Variants in BAD observed in about 807,000 individuals in gnomAD.
BAD encodes BCL2 associated agonist of cell death, also known as bcl2-associated agonist of cell death.
A neutral mutation model predicts 17.8 loss-of-function variants in BAD; 18 were observed. The observed-to-expected ratio is 1.01, with a 90% CI of 0.70 to 1.50. The LOEUF is 1.50. Among genes scored for constraint, BAD ranks in the 40% most tolerant of loss-of-function variants. BAD has a pLI of 0.00. For synonymous variants in BAD, 112 were observed against 91.5 expected (o/e 1.22, Z -1.28); for missense variants, 294 against 239.3 (o/e 1.23, Z -1.51).
chr11:64,284,653 C>T lies in BAD; in HGVS notation c.-31G>A. ...CACCCCAAGCCCGATCTCGAGGCCC[C>T]TGACCCGGGCCTGCCGCCTCCCTCC... On this transcript the variant is annotated 5_prime_UTR_variant, in exon 1 of 4. Coordinates refer to ENST00000309032, the MANE Select transcript of BAD (RefSeq NM_032989.3). 1 of 1,533,848 alleles carries T rather than the reference C, an allele frequency of 6.5e-7. No homozygotes were observed. Among genetic ancestry groups the T allele is most frequent in the South Asian group, 1.2e-5 (1 of 83,860 alleles).
intron 2 of BAD, among the ~76,000 whole-genome samples, chr11:64,275,107 G>T (rs560552018): frequency 6.6e-6 from 1 of 150,746 alleles, no homozygotes; most frequent in Non-Finnish European, 1.5e-5. Flanking sequence ...CATCACCAAA[G>T]CCCAGAGCTG....
Position 64,270,130 on chromosome 11 carries a change from G to C in BAD, c.*79C>G, listed in dbSNP as rs144873026. The C allele has an allele frequency of 3.8e-3, 6,150 of 1,604,482 alleles. 91 individuals carry two copies. The Middle Eastern group carries it at 0.077, about 20-fold the overall frequency. On this transcript the variant is annotated 3_prime_UTR_variant, in exon 4 of 4. Transcript: ENST00000309032. Reference sequence around the variant, plus strand: ...GGATCCTCTTTTTGCATAGGCCTGAGGGAAGTACTTCCGCCCATATTCAAG... The same window carrying C: ...GGATCCTCTTTTTGCATAGGCCTGACGGAAGTACTTCCGCCCATATTCAAG...
intron 3 of BAD, 102 bp downstream of exon 3, chr11:64,271,511 G>A: frequency 8.2e-7 from 1 of 1,219,116 alleles, no homozygotes; most frequent in Non-Finnish European, 1.1e-6. Flanking sequence ...GGGAGGGGTC[G>A]TGGGACTCCA....
At chr11:64,276,755 AAG>A (rs1165842717) in intron 2 of BAD, 1 of 587,780 alleles carries the variant, frequency 1.7e-6, no homozygotes, top group Non-Finnish European at 3.0e-6. Context: ...TGGGGAAGGG[AAG>A]GGGTGTGGCT....
chr11:64,275,744 GC>G (rs2033011775), intron 2 of BAD: 1 of 152,034 alleles, frequency 6.6e-6, no homozygotes, highest in Non-Finnish European at 1.5e-5. Flanking sequence ...CGGACACAAG[GC>G]CCCACAGGTG....
At chr11:64,281,440 C>T (rs477895) in intron 2 of BAD, among the ~76,000 whole-genome samples, 112,643 of 152,156 alleles carry the variant, frequency 0.74, 43,447 homozygotes, top group Non-Finnish European at 0.84. Flanking sequence ...ACCATGCTGC[C>T]TCTGCTCAAA....
chr11:64,280,374 C>T (rs186357628), intron 2 of BAD, among the ~76,000 whole-genome samples: 79 of 131,340 alleles, frequency 6.0e-4, no homozygotes, highest in African/African-American at 2.1e-3. Flanking sequence ...TTTTTTGAGA[C>T]GGAGTCTTGC....
At position 64,284,350 on chromosome 11, in the gene BAD, A is replaced by C. The variant is rs375409072; in HGVS notation, c.19T>G (p.Phe7Val). The C allele has an allele frequency of 5.3e-5, 85 of 1,612,722 alleles. No individual in the cohort carries two copies. The highest frequency in any genetic ancestry group is 7.0e-5 in the Non-Finnish European group (83 of 1,179,938). Residue 7 changes from phenylalanine (F) to valine (V), a missense_variant, in exon 2 of 4, where the codon TTT (phenylalanine) becomes GTT (valine). Transcript: ENST00000309032. Reference protein sequence around the residue: MFQIPEFEPSEQEDSSS... With the variant: MFQIPEVEPSEQEDSSS... ...GAGTCTTCCTGCTCACTCGGCTCAA[A>C]CTCTGGGATCTGGAACATGCTCTGG... is the stretch of plus-strand genomic sequence containing the variant.
chr11:64,274,895 G>C (rs1424716141), intron 2 of BAD, among the ~76,000 whole-genome samples: 1 of 143,152 alleles, frequency 7.0e-6, no homozygotes, highest in Non-Finnish European at 1.5e-5. Context: ...TAAGGCACAA[G>C]AATCACTTGA....
intron 3 of BAD, among the ~76,000 whole-genome samples, chr11:64,270,901 A>T (rs974192353): frequency 4.0e-3 from 61 of 15,376 alleles, no homozygotes; most frequent in East Asian, 9.8e-3. Context: ...GCCCTGTGAG[A>T]CACACACACA....
chr11:64,276,616 G>A (rs565885619), intron 2 of BAD: 8 of 303,782 alleles, frequency 2.6e-5, no homozygotes, highest in South Asian at 4.9e-5. Flanking sequence ...CGTGAGCCAC[G>A]GTGCCCAGCC....
intron 2 of BAD, chr11:64,272,726 C>G (rs1332749017): frequency 6.6e-6 from 1 of 152,280 alleles, no homozygotes; most frequent in African/African-American, 2.4e-5. Context: ...TGCCCAGTTT[C>G]TGTGAAGCTG....
chr11:64,271,469 C>T (rs549405226), intron 3 of BAD, 144 bp downstream of exon 3: 9 of 848,504 alleles, frequency 1.1e-5, no homozygotes, highest in Non-Finnish European at 1.5e-5. Flanking sequence ...TCCCAGAATG[C>T]TCTGGAGCTA....
chr11:64,280,604 G>T (rs2033403066), intron 2 of BAD, among the ~76,000 whole-genome samples: 1 of 151,044 alleles, frequency 6.6e-6, no homozygotes, highest in Non-Finnish European at 1.5e-5. Flanking sequence ...GCCCGCCTCG[G>T]CCTCCCAAAG....
chr11:64,276,625 C>A lies in BAD; in HGVS notation c.188-4822G>T, dbSNP rs79068924. 1,346 of 355,154 alleles carry A rather than the reference C, an allele frequency of 3.8e-3. 17 individuals carry two copies. The highest frequency in any genetic ancestry group is 0.027 in the African/African-American group (1,249 of 47,068). 22.0% of individuals were successfully genotyped at this position (355,154 alleles called of 1,614,324 possible). ...TACAGGCGTGAGCCACGGTGCCCAG[C>A]CCTAAATTGAATTTTTAAAAAGTGT... On this transcript the variant is annotated intron_variant, in intron 2 of 3. Transcript: ENST00000309032.
At chr11:64,280,542 G>T (rs1254159359) in intron 2 of BAD, among the ~76,000 whole-genome samples, 2 of 149,016 alleles carry the variant, frequency 1.3e-5, no homozygotes. Flanking sequence ...TAGTAGAGAC[G>T]GGGTTTCACC....
intron 2 of BAD, among the ~76,000 whole-genome samples, chr11:64,273,777 G>A (rs1041021881): frequency 2.1e-4 from 31 of 150,258 alleles, no homozygotes; most frequent in African/African-American, 7.3e-4. Flanking sequence ...AGCTACTCGG[G>A]AGGCTGAAGC....
chr11:64,270,359 T>C (rs757289330), intron 3 of BAD, 22 bp from the exon 4 acceptor site: 1 of 1,527,838 alleles, frequency 6.5e-7, no homozygotes, highest in Non-Finnish European at 8.8e-7. Context: ...AGAAAAGGGT[T>C]ACATGAGTTA....
chr11:64,281,027 G>A (rs1046836691), intron 2 of BAD, among the ~76,000 whole-genome samples: 4 of 151,278 alleles, frequency 2.6e-5, no homozygotes, highest in Middle Eastern at 3.2e-3. Context: ...GAGTGCAGTG[G>A]TGCAATCTCT....
Sources: gnomAD v4.1 joint callset for allele counts (sites outside exome capture counted in the v4.1 genomes callset) on GRCh38, gnomAD v4.1.1 for gene constraint, MANE v1.5 for transcripts, NCBI Gene and HGNC (gene_info 2026-07-23, HGNC 2026-07-21) for gene names.